The following TPO variants were observed in gnomAD, a reference collection of about 807,000 sequenced individuals.
The protein encoded by TPO is thyroid microsomal antigen.
A neutral mutation model predicts 96.9 loss-of-function variants in TPO; 78 were observed. The observed-to-expected ratio is 0.81, with a 90% CI of 0.67 to 0.97. The LOEUF (loss-of-function observed/expected upper bound fraction) is 0.97, where lower values mean the gene tolerates loss of function less well. Among genes scored for constraint, TPO ranks in the 50% least tolerant of loss-of-function variants. TPO has a pLI of 0.00. For synonymous variants in TPO, 547 were observed against 538.0 expected (o/e 1.02, Z -0.23); for missense variants, 1,252 against 1,274.8 (o/e 0.98, Z 0.27).
intron 1 of TPO, among the ~76,000 whole-genome samples, chr2:1,381,558 C>T (rs947070124): frequency 6.6e-6 from 1 of 152,206 alleles, no homozygotes; most frequent in African/African-American, 2.4e-5. Flanking sequence ...GACATTTCAA[C>T]ATGAGATTTG....
intron 1 of TPO, among the ~76,000 whole-genome samples, chr2:1,386,027 G>C (rs1055299471): frequency 8.5e-5 from 13 of 152,174 alleles, no homozygotes; most frequent in Admixed American, 4.6e-4. Context: ...GTGGTTTTGA[G>C]TGAGTTTCTT....
Position 1,501,612 on chromosome 2 carries a change from G to C in TPO, c.2387-2336G>C, listed in dbSNP as rs146166270. On this transcript the variant is annotated intron_variant, in intron 13 of 16. Transcript: ENST00000329066. ...AAGAAGCAAGGCCTTTGCAGGTGCC[G>C]TCGAGTTAAAGTGAGGCTGTCGGGT... is the stretch of plus-strand genomic sequence containing the variant. 4.6e-5 allele frequency among the ~76,000 whole-genome samples: 7 copies of C among 152,288 alleles called. No homozygotes were observed. In the East Asian group the frequency reaches 1.2e-3, roughly 25 times the overall value.
intron 3 of TPO, among the ~76,000 whole-genome samples, chr2:1,424,015 C>CT (rs1259135704): frequency 6.6e-6 from 1 of 152,154 alleles, no homozygotes; most frequent in African/African-American, 2.4e-5. Context: ...ACCCAAGTAT[C>CT]TAAGACAGAT....
chr2:1,378,994 T>C (rs1163116759), intron 1 of TPO, among the ~76,000 whole-genome samples: 3 of 152,156 alleles, frequency 2.0e-5, no homozygotes, highest in African/African-American at 7.2e-5. Context: ...AAATCTGAAA[T>C]GTCTGTGATA....
In TPO at chr2:1,479,960, T is replaced by G. The variant is rs560356551; in HGVS notation, c.1338+2356T>G. Among the ~76,000 whole-genome samples, 160 of 152,280 alleles carry G rather than the reference T, an allele frequency of 1.1e-3. 3 individuals are homozygous for G. The South Asian group carries it at 0.024, about 23-fold the overall frequency. On this transcript the variant is annotated intron_variant, in intron 8 of 16. Coordinates refer to ENST00000329066, the MANE Select transcript of TPO (RefSeq NM_001206744.2). ...CCACTCCCAGCTGATTTTTATATTT[T>G]TAATAGACATGGGGTTTTGCCATGT...
At chr2:1,397,636 G>A (rs1662102755) in intron 1 of TPO, among the ~76,000 whole-genome samples, 1 of 152,188 alleles carries the variant, frequency 6.6e-6, no homozygotes, top group East Asian at 1.9e-4. Context: ...TGTGGCCTGT[G>A]GAGGCAGAGC....
chr2:1,505,691 G>T (rs1041000757), intron 14 of TPO, among the ~76,000 whole-genome samples: 5 of 152,028 alleles, frequency 3.3e-5, no homozygotes, highest in Non-Finnish European at 7.4e-5. Context: ...TGCCATGGTG[G>T]TTTGCTGCAC....
intron 10 of TPO, among the ~76,000 whole-genome samples, chr2:1,489,718 G>T (rs183996410): frequency 2.0e-5 from 3 of 152,290 alleles, no homozygotes; most frequent in East Asian, 3.9e-4. Flanking sequence ...GGACAGAAGG[G>T]CCTAGCGGGA....
chr2:1,502,161 C>T (rs554067293), intron 13 of TPO, among the ~76,000 whole-genome samples: 76 of 152,202 alleles, frequency 5.0e-4, no homozygotes, highest in Middle Eastern at 6.8e-3. Flanking sequence ...ACCCCAGAGG[C>T]GGCTGCAGAT....
chr2:1,407,164 T>C (rs1275152558), intron 1 of TPO, among the ~76,000 whole-genome samples: 1 of 152,212 alleles, frequency 6.6e-6, no homozygotes, highest in Admixed American at 6.5e-5. Flanking sequence ...GATTTCTGTT[T>C]ATGTTAATAT....
intron 13 of TPO, among the ~76,000 whole-genome samples, chr2:1,500,673 A>AC (rs1193906877): frequency 6.6e-6 from 1 of 152,114 alleles, no homozygotes; most frequent in Non-Finnish European, 1.5e-5. Flanking sequence ...TCACATAAAA[A>AC]CTTGATATTA....
At chr2:1,501,534 CA>C (rs1379362989) in intron 13 of TPO, among the ~76,000 whole-genome samples, 2 of 152,200 alleles carry the variant, frequency 1.3e-5, no homozygotes, top group Non-Finnish European at 2.9e-5. Flanking sequence ...ACTGTGCCCC[CA>C]AAAAGCTATG....
In TPO at chr2:1,487,955, A is replaced by G. The variant is rs1671334314; in HGVS notation, c.1732A>G (p.Ile578Val). The change falls in exon 10 of 17, where the codon ATC becomes GTC. Residue 578 changes from isoleucine to valine, a missense_variant. By Grantham distance (29) the Ile-to-Val change is conservative. Coordinates refer to ENST00000329066, the MANE Select transcript of TPO (RefSeq NM_001206744.2). ...TTCCAGCACCTTGGATCTGGCGTCC[A>G]TCAACCTGCAGAGGGGCCGGGACCA... ...SNSSTLDLAS[I>V]NLQRGRDHGL... is the part of the protein sequence containing the mutation. 1 of 1,613,942 alleles carries G rather than the reference A, an allele frequency of 6.2e-7. No individual in the cohort carries two copies. The highest frequency in any genetic ancestry group is 8.5e-7 in the Non-Finnish European group (1 of 1,180,030).
upstream of TPO, among the ~76,000 whole-genome samples, chr2:1,409,624 C>T (rs1662297363): frequency 1.3e-5 from 2 of 152,236 alleles, no homozygotes; most frequent in African/African-American, 4.8e-5. Flanking sequence ...TCAGAGCTCA[C>T]CCTGGTATCC....
intron 15 of TPO, among the ~76,000 whole-genome samples, chr2:1,538,919 G>A (rs1376278577): frequency 6.6e-6 from 1 of 152,108 alleles, no homozygotes; most frequent in Non-Finnish European, 1.5e-5. Flanking sequence ...GGCATTGCTT[G>A]GCCTACAGAC....
rs1670954664 is a variant in TPO, at chr2:1,484,658, G to A, written c.1401G>A (p.Val467=). The change falls in exon 9 of 17, where the codon GTG becomes GTA. Residue 467 remains valine (V), a synonymous_variant. Coordinates refer to ENST00000329066, the MANE Select transcript of TPO (RefSeq NM_001206744.2). Reference sequence around the variant, plus strand: ...GACCCGAGGCCTTCCAGCAGTACGTGGGTCCCTATGAAGGCTATGACTCCA... The same window carrying A: ...GACCCGAGGCCTTCCAGCAGTACGTAGGTCCCTATGAAGGCTATGACTCCA... ...ILGPEAFQQY[V]GPYEGYDSTA... is the part of the protein sequence containing the mutation. 6.2e-7 allele frequency: 1 copy of A among 1,613,992 alleles called. No individual in the cohort carries two copies. Among genetic ancestry groups the A allele is most frequent in the African/African-American group, 1.3e-5 (1 of 74,888 alleles).
intron 3 of TPO, 49 bp downstream of exon 3, chr2:1,423,178 T>G: frequency 6.4e-7 from 1 of 1,573,114 alleles, no homozygotes; most frequent in Non-Finnish European, 8.7e-7. Context: ...GACAGGCGCA[T>G]CCTCCCTGAC....
At chr2:1,512,615 C>A in intron 14 of TPO, 1 of 441,782 alleles carries the variant, frequency 2.3e-6, no homozygotes, top group Non-Finnish European at 3.0e-6. Flanking sequence ...AGCCCTGCAG[C>A]CCCTCAAGCA....
chr2:1,435,781 C>T (rs551614686), intron 4 of TPO, among the ~76,000 whole-genome samples: 6 of 152,232 alleles, frequency 3.9e-5, no homozygotes, highest in Admixed American at 1.3e-4. Flanking sequence ...TATAGATAAG[C>T]GTACCATCTT....
Sources: gnomAD v4.1 joint callset for allele counts (sites outside exome capture counted in the v4.1 genomes callset) on GRCh38, gnomAD v4.1.1 for gene constraint, MANE v1.5 for transcripts, NCBI Gene and HGNC (gene_info 2026-07-23, HGNC 2026-07-21) for gene names.